The following COL4A6 variants were observed in gnomAD, a reference collection of about 807,000 sequenced individuals.
COL4A6 encodes the protein collagen alpha-6(IV) chain.
COL4A6 carries 59 observed loss-of-function variants against 126.7 expected under a neutral mutation model. That is an observed-to-expected ratio of 0.47 (90% CI 0.38 to 0.58). COL4A6 has a LOEUF of 0.58. Ranked by LOEUF, COL4A6 falls within the 20% of genes least tolerant of loss-of-function variation. COL4A6 has a pLI of 0.00. For synonymous variants in COL4A6, 547 were observed against 496.6 expected, an observed-to-expected ratio of 1.10 and a Z score of -1.35; for missense variants, 1,285 against 1,337.3, an observed-to-expected ratio of 0.96 and a Z score of 0.61.
chrX:108,165,569 A>G, intron 37 of COL4A6, 83 bp from the exon 38 acceptor site: 1 of 657,749 alleles, frequency 1.5e-6, no homozygotes, highest in Non-Finnish European at 2.2e-6. Flanking sequence ...ATGGAAGCTC[A>G]CACAGAGAAA....
At chrX:108,259,392 T>C (rs1452426988) in intron 3 of COL4A6, among the ~76,000 whole-genome samples, 1 of 111,705 alleles carries the variant, frequency 9.0e-6, no homozygotes, top group Non-Finnish European at 1.9e-5. Flanking sequence ...CTAGCCTCAA[T>C]GGTCCAGGCA....
chrX:108,389,880 C>T (rs1437129683), intron 2 of COL4A6, among the ~76,000 whole-genome samples: 1 of 111,588 alleles, frequency 9.0e-6, no homozygotes, highest in African/African-American at 3.3e-5. Flanking sequence ...TTGTTCCTTT[C>T]CATGTTTACT....
intron 3 of COL4A6, among the ~76,000 whole-genome samples, chrX:108,310,155 C>T (rs1248568683): frequency 2.7e-5 from 3 of 111,859 alleles, no homozygotes; most frequent in Non-Finnish European, 5.6e-5. Flanking sequence ...GAGTTCATTG[C>T]AATTTGCACA....
chrX:108,281,043 G>T (rs1453585975), intron 3 of COL4A6, among the ~76,000 whole-genome samples: 1 of 103,200 alleles, frequency 9.7e-6, no homozygotes, highest in African/African-American at 3.5e-5. Flanking sequence ...ATATCATACT[G>T]AATGGGCAAA....
chrX:108,300,225 A>C (rs1226952255), intron 3 of COL4A6, among the ~76,000 whole-genome samples: 1 of 111,617 alleles, frequency 9.0e-6, no homozygotes, highest in Non-Finnish European at 1.9e-5. Context: ...CTGGTTTCCA[A>C]AGAGTTAGAC....
At chrX:108,354,021 C>T (rs2039900931) in intron 2 of COL4A6, among the ~76,000 whole-genome samples, 1 of 111,478 alleles carries the variant, frequency 9.0e-6, no homozygotes, top group Non-Finnish European at 1.9e-5. Context: ...GGCATGGTGG[C>T]ATGTGCCTGT....
chrX:108,227,230 A>T (rs1352437140), intron 3 of COL4A6, among the ~76,000 whole-genome samples: 1 of 112,399 alleles, frequency 8.9e-6, no homozygotes, highest in Admixed American at 9.4e-5. Context: ...GGGCATCAGT[A>T]AATGTTTGCT....
At chrX:108,277,063 G>A (rs541287346) in intron 3 of COL4A6, among the ~76,000 whole-genome samples, 6 of 112,298 alleles carry the variant, frequency 5.3e-5, no homozygotes, top group South Asian at 7.5e-4. Context: ...ACAGCTCCCA[G>A]CGTGAGCGAT....
chrX:108,256,417 T>C (rs1158419459), intron 3 of COL4A6, among the ~76,000 whole-genome samples: 2 of 112,116 alleles, frequency 1.8e-5, no homozygotes, highest in East Asian at 5.7e-4. Context: ...GCCAGTGTTC[T>C]AAGCACTTCA....
At chrX:108,413,442 TTTTTC>T (rs1438904509) in intron 2 of COL4A6, among the ~76,000 whole-genome samples, 1 of 110,929 alleles carries the variant, frequency 9.0e-6, no homozygotes, top group African/African-American at 3.3e-5. Context: ...AAGCATTTCT[TTTTTC>T]TTTTCTTTTC....
intron 23 of COL4A6, 51 bp downstream of exon 23, chrX:108,187,045 C>T: frequency 1.9e-6 from 2 of 1,049,694 alleles, no homozygotes; most frequent in South Asian, 2.8e-5. Context: ...CATAACCACT[C>T]TACAAGGGGT....
At chrX:108,247,264 T>C (rs1408486263) in intron 3 of COL4A6, among the ~76,000 whole-genome samples, 4 of 111,847 alleles carry the variant, frequency 3.6e-5, no homozygotes, top group African/African-American at 1.3e-4. Context: ...GTTTATAAAA[T>C]GGAACGATGT....
At chrX:108,240,165 C>T (rs2036534460) in intron 3 of COL4A6, among the ~76,000 whole-genome samples, 1 of 111,457 alleles carries the variant, frequency 9.0e-6, no homozygotes, top group Admixed American at 9.6e-5. Flanking sequence ...ATCATTTGAA[C>T]CCGGGAGGCA....
intron 2 of COL4A6, among the ~76,000 whole-genome samples, chrX:108,369,933 C>G (rs757569038): frequency 8.9e-6 from 1 of 112,295 alleles, no homozygotes; most frequent in South Asian, 3.7e-4. Context: ...AAACAGGTGG[C>G]CGACTGGATT....
At chrX:108,439,111 C>G (rs1277732075), upstream of COL4A6, among the ~76,000 whole-genome samples, 1 of 111,577 alleles carries the variant, frequency 9.0e-6, no homozygotes, top group Non-Finnish European at 1.9e-5. Flanking sequence ...AGAAACACTG[C>G]ACTAAATTTA....
intron 3 of COL4A6, among the ~76,000 whole-genome samples, chrX:108,289,159 C>T (rs1015774859): frequency 2.7e-5 from 3 of 110,372 alleles, no homozygotes; most frequent in African/African-American, 9.9e-5. Flanking sequence ...ATAAGGACAT[C>T]ATTGGGATAA....
intron 31 of COL4A6, 84 bp from the exon 32 acceptor site, chrX:108,172,616 C>T: frequency 1.3e-6 from 1 of 753,696 alleles, no homozygotes; most frequent in Non-Finnish European, 2.0e-6. Context: ...CACTGAGCCA[C>T]TGCCTGAGAG....
chrX:108,317,172 G>A (rs1157692927), intron 2 of COL4A6, among the ~76,000 whole-genome samples: 1 of 112,141 alleles, frequency 8.9e-6, no homozygotes, highest in Non-Finnish European at 1.9e-5. Flanking sequence ...TGTTTTAAAG[G>A]TAGAGCTGCT....
chrX:108,213,432 T>A (rs2035768190), intron 6 of COL4A6, among the ~76,000 whole-genome samples: 1 of 112,073 alleles, frequency 8.9e-6, no homozygotes, highest in Non-Finnish European at 1.9e-5. Flanking sequence ...TAGAATTAAA[T>A]AAAAGTGGTG....
Sources: gnomAD v4.1 joint callset for allele counts (sites outside exome capture counted in the v4.1 genomes callset) on GRCh38, gnomAD v4.1.1 for gene constraint, MANE v1.5 for transcripts, NCBI Gene and HGNC (gene_info 2026-07-23, HGNC 2026-07-21) for gene names.